The following PIK3R4 variants were observed in gnomAD, a reference collection of about 807,000 sequenced individuals.
PIK3R4 encodes phosphoinositide-3-kinase regulatory subunit 4.
Under a neutral mutation model 136.5 loss-of-function variants are expected in PIK3R4, and 46 were observed. That is an observed-to-expected ratio of 0.34 (90% CI 0.27 to 0.43). PIK3R4 has a LOEUF of 0.43. Among genes scored for constraint, PIK3R4 ranks in the 20% least tolerant of loss-of-function variants. PIK3R4 has a pLI of 1.00. For missense variants in PIK3R4, 1,331 were observed against 1,649.5 expected (o/e 0.81, Z 3.35); for synonymous variants, 557 against 566.7 (o/e 0.98, Z 0.24).
chr3:130,698,823 T>C (rs2066560934), intron 13 of PIK3R4, among the ~76,000 whole-genome samples: 1 of 152,230 alleles, frequency 6.6e-6, no homozygotes. Context: ...TTTCCTCCAC[T>C]AATTCTATAA....
chr3:130,679,871 A>T (rs868867752), intron 19 of PIK3R4, among the ~76,000 whole-genome samples: 1 of 152,020 alleles, frequency 6.6e-6, no homozygotes, highest in South Asian at 2.1e-4. Context: ...AGGTCAGGAG[A>T]TCAAGACCAT....
At chr3:130,681,213 C>A in intron 17 of PIK3R4, 148 bp from the exon 18 acceptor site, 1 of 658,858 alleles carries the variant, frequency 1.5e-6, no homozygotes, top group Non-Finnish European at 2.7e-6. Flanking sequence ...TATGCCCTAT[C>A]TACTTCAATC....
chr3:130,716,419 G>A lies in PIK3R4; in HGVS notation c.2308C>T (p.Leu770Phe), dbSNP rs374748187. 2 of 1,614,020 alleles carry A rather than the reference G, an allele frequency of 1.2e-6. No individual in the cohort carries two copies. Among genetic ancestry groups the A allele is most frequent in the African/African-American group, 2.7e-5 (2 of 74,952 alleles). The change falls in exon 9 of 20, where the codon CTT becomes TTT. Residue 770 changes from leucine (L) to phenylalanine (F), a missense_variant. Coordinates refer to ENST00000356763, the MANE Select transcript of PIK3R4 (RefSeq NM_014602.3). ...PPPEDPAIAQ[L>F]LKKLLSQGMT... ...ACCTGTGAGAGCAACTTCTTCAGAA[G>A]CTGTGCTATGGCAGGATCCTCTGGC...
In PIK3R4 at chr3:130,733,749, G is replaced by C. The variant is rs767530523; in HGVS notation, c.1249C>G (p.Arg417Gly). Reference protein sequence around the residue: ...PRLSVEILLDRITPYLLHFSN... With the variant: ...PRLSVEILLDGITPYLLHFSN... ...AAATGCAAAAGATATGGAGTAATAC[G>C]ATCCAAAAGGATTTCAACACTTAAT... is the stretch of plus-strand genomic sequence containing the variant. The change falls in exon 4 of 20, where the codon CGT (arginine) becomes GGT (glycine). Residue 417 changes from arginine to glycine, a missense_variant. Arg to Gly is a moderately radical substitution (Grantham distance 125, BLOSUM62 -2). Coordinates refer to ENST00000356763, the MANE Select transcript of PIK3R4 (RefSeq NM_014602.3). 1.2e-5 allele frequency: 20 copies of C among 1,614,122 alleles called. No homozygotes were observed. The highest frequency in any genetic ancestry group is 1.7e-5 in the Non-Finnish European group (20 of 1,179,984).
chr3:130,712,858 A>C (rs2107611027), intron 9 of PIK3R4, among the ~76,000 whole-genome samples: 1 of 152,260 alleles, frequency 6.6e-6, no homozygotes, highest in South Asian at 2.1e-4. Flanking sequence ...AAGTCTGTAT[A>C]AAACCCAAGC....
intron 2 of PIK3R4, among the ~76,000 whole-genome samples, chr3:130,739,202 G>C (rs1000473057): frequency 9.2e-5 from 14 of 152,098 alleles, no homozygotes; most frequent in African/African-American, 3.1e-4. Flanking sequence ...TCAGCCTCCC[G>C]AGTAGCTGGG....
intron 1 of PIK3R4, among the ~76,000 whole-genome samples, chr3:130,746,030 TAA>T (rs796537614): frequency 1.6e-5 from 2 of 125,456 alleles, no homozygotes; most frequent in Admixed American, 7.9e-5. Flanking sequence ...TCTCAAAAAA[TAA>T]AAAAAAAAAA....
chr3:130,682,671 T>C (rs947898700), intron 16 of PIK3R4, among the ~76,000 whole-genome samples: 9 of 152,298 alleles, frequency 5.9e-5, no homozygotes, highest in Non-Finnish European at 1.2e-4. Context: ...CCTCCCCTCA[T>C]GCCTTCTACT....
intron 2 of PIK3R4, among the ~76,000 whole-genome samples, chr3:130,743,841 T>C (rs1050131617): frequency 6.6e-6 from 1 of 152,218 alleles, no homozygotes; most frequent in Non-Finnish European, 1.5e-5. Context: ...GGCCAGACCC[T>C]TTCTGATCTG....
At chr3:130,736,072 C>CA (rs2066784344) in intron 2 of PIK3R4, 70 bp from the exon 3 acceptor site, 1 of 1,273,824 alleles carries the variant, frequency 7.9e-7, no homozygotes, top group African/African-American at 1.5e-5. Context: ...ATTGAGAACT[C>CA]AGACAGTTCA....
intron 6 of PIK3R4, among the ~76,000 whole-genome samples, chr3:130,724,826 A>G (rs2066722674): frequency 6.7e-6 from 1 of 149,294 alleles, no homozygotes; most frequent in Non-Finnish European, 1.5e-5. Flanking sequence ...TCTGGCACAG[A>G]AAAAAATTCA....
At chr3:130,739,371 G>A (rs1298612738) in intron 2 of PIK3R4, among the ~76,000 whole-genome samples, 3 of 151,312 alleles carry the variant, frequency 2.0e-5, no homozygotes, top group Non-Finnish European at 1.5e-5. Context: ...CGACCGCGCT[G>A]GCCTTTTGTT....
At chr3:130,688,486 C>T (rs74850218) in intron 14 of PIK3R4, among the ~76,000 whole-genome samples, 2,956 of 152,256 alleles carry the variant, frequency 0.019, 95 homozygotes, top group African/African-American at 0.067. Context: ...CCATCTTTCC[C>T]CTTACATCCT....
intron 15 of PIK3R4, 60 bp downstream of exon 15, chr3:130,686,151 C>T: frequency 6.1e-6 from 6 of 979,810 alleles, no homozygotes; most frequent in Middle Eastern, 2.2e-4. Context: ...TTTCACAAGA[C>T]AGCAATTGCA....
chr3:130,736,080 T>C, intron 2 of PIK3R4, 78 bp from the exon 3 acceptor site: 1 of 1,159,556 alleles, frequency 8.6e-7, no homozygotes, highest in Non-Finnish European at 1.2e-6. Flanking sequence ...CTCAGACAGT[T>C]CATAAAACCC....
intron 13 of PIK3R4, among the ~76,000 whole-genome samples, chr3:130,700,282 T>G (rs1212737077): frequency 6.6e-6 from 1 of 152,180 alleles, no homozygotes; most frequent in Non-Finnish European, 1.5e-5. Flanking sequence ...ATTGACAACT[T>G]TCTTTTGTAC....
intron 4 of PIK3R4, among the ~76,000 whole-genome samples, chr3:130,731,196 T>C (rs2066758359): frequency 2.6e-5 from 4 of 152,254 alleles, no homozygotes; most frequent in Admixed American, 1.3e-4. Flanking sequence ...ACTTAACATA[T>C]GTGTTTCTTA....
In PIK3R4 at chr3:130,686,245, A is replaced by G. The variant is rs1221607854; in HGVS notation, c.3441T>C (p.Phe1147=). ...GCCAGCATTGGTGGATGTCCACAGC[A>G]AAGGAAGTGATGAGGCCCGACTTTA... The part of the protein sequence containing the change: ...HDLKSGLITS[F]AVDIHQCWLC... The change falls in exon 15 of 20, where the codon TTT becomes TTC. Residue 1147 remains phenylalanine (F), a synonymous_variant. Transcript: ENST00000356763. 6.2e-7 allele frequency: 1 copy of G among 1,613,396 alleles called. No individual in the cohort carries two copies. The highest frequency in any genetic ancestry group is 1.1e-5 in the South Asian group (1 of 91,070).
chr3:130,732,772 A>G (rs189500034), intron 4 of PIK3R4, among the ~76,000 whole-genome samples: 40 of 152,086 alleles, frequency 2.6e-4, no homozygotes, highest in African/African-American at 9.2e-4. Context: ...CAAATCATAA[A>G]ATGAATGAAC....
Sources: gnomAD v4.1 joint callset for allele counts (sites outside exome capture counted in the v4.1 genomes callset) on GRCh38, gnomAD v4.1.1 for gene constraint, MANE v1.5 for transcripts, NCBI Gene and HGNC (gene_info 2026-07-23, HGNC 2026-07-21) for gene names.